PGLYRP4: variants seen among roughly 807,000 people sequenced by gnomAD.
PGLYRP4 encodes peptidoglycan recognition protein 4.
Under a neutral mutation model 41.2 loss-of-function variants are expected in PGLYRP4, and 39 were observed. The observed-to-expected ratio is 0.95, with a 90% CI of 0.73 to 1.24. PGLYRP4 has a LOEUF of 1.24. PGLYRP4 is among the 50% of genes most tolerant of loss of function. The pLI is 0.00. For missense variants in PGLYRP4, 467 were observed against 460.7 expected, an observed-to-expected ratio of 1.01 and a Z score of -0.13; for synonymous variants, 202 against 186.8, an observed-to-expected ratio of 1.08 and a Z score of -0.66.
At position 153,330,447 on chromosome 1, in the gene PGLYRP4, A is replaced by C; in HGVS notation, c.*320T>G. The C allele has an allele frequency of 3.6e-5, 7 of 194,502 alleles. No individual in the cohort carries two copies. The highest frequency in any genetic ancestry group is 5.4e-5 in the Non-Finnish European group (5 of 91,898). The allele number at this position is 194,502 out of a possible 1,614,324, so 12.0% of individuals were successfully genotyped here. A position where few individuals can be genotyped will look rare whatever the true frequency, so the allele number is the denominator to read the frequency against. ...GGGAAGGCTCACCAGGCAGAGGGGA[A>C]TGGAGAGAGAGAGAGAAATGAAACA... On this transcript the variant is annotated 3_prime_UTR_variant, in exon 9 of 9. Coordinates refer to ENST00000359650, the MANE Select transcript of PGLYRP4 (RefSeq NM_020393.4).
At chr1:153,340,805 G>A (rs1660769892) in intron 6 of PGLYRP4, among the ~76,000 whole-genome samples, 1 of 150,948 alleles carries the variant, frequency 6.6e-6, no homozygotes, top group South Asian at 2.2e-4. Context: ...TGAGTCATTT[G>A]TAATCCATGA....
chr1:153,334,177 A>G (rs990599211), intron 8 of PGLYRP4, among the ~76,000 whole-genome samples: 11 of 152,052 alleles, frequency 7.2e-5, no homozygotes, highest in African/African-American at 2.7e-4. Flanking sequence ...AAAGACTCCT[A>G]TATTTAATAA....
At chr1:153,333,591 G>A (rs1469403186) in intron 8 of PGLYRP4, among the ~76,000 whole-genome samples, 2 of 151,984 alleles carry the variant, frequency 1.3e-5, no homozygotes, top group Non-Finnish European at 2.9e-5. Flanking sequence ...TTATACCAAC[G>A]CCAGGTAAGG....
intron 8 of PGLYRP4, 121 bp from the exon 9 acceptor site, chr1:153,331,066 A>T (rs1200249615): frequency 1.4e-6 from 1 of 720,072 alleles, no homozygotes; most frequent in East Asian, 2.8e-5. Flanking sequence ...GCCTCCCTAG[A>T]GACAGGCAAA....
chr1:153,345,144 C>T (rs1204728975), intron 4 of PGLYRP4, 25 bp downstream of exon 4: 6 of 1,574,074 alleles, frequency 3.8e-6, no homozygotes, highest in East Asian at 2.3e-5. Context: ...GACCATGTGC[C>T]GTGGGACCCA....
intron 8 of PGLYRP4, among the ~76,000 whole-genome samples, chr1:153,334,468 T>TATATATATTTTTTTATATATA (rs1275488427): frequency 9.8e-5 from 14 of 142,530 alleles, no homozygotes; most frequent in South Asian, 6.4e-4. Context: ...ATATATTTAT[T>TATATATATTTTTTTATATATA]TATATATATT....
intron 8 of PGLYRP4, among the ~76,000 whole-genome samples, chr1:153,334,468 T>TATATATATATTTTTATATATA (rs1275488427): frequency 0.32 from 46,031 of 142,120 alleles, 7,837 homozygotes; most frequent in Non-Finnish European, 0.37. Flanking sequence ...ATATATTTAT[T>TATATATATATTTTTATATATA]TATATATATT....
Position 153,341,647 on chromosome 1 carries a change from TGCCGAGGG to T in PGLYRP4, c.597_604del (p.Pro200GlufsTer48). On this transcript the variant is annotated frameshift_variant, in exon 6 of 9. Coordinates refer to ENST00000359650, the MANE Select transcript of PGLYRP4 (RefSeq NM_020393.4). LOFTEE classifies it high-confidence loss of function. ...CTTACCCTTCTTCAGGCTTGTCTTC[TGCCGAGGG>T]GCCAGGCAGTTCTCGCCTTTCCCAA... 3 of 1,613,040 alleles carry T rather than the reference TGCCGAGGG, an allele frequency of 1.9e-6. No individual in the cohort carries two copies. Among genetic ancestry groups the T allele is most frequent in the Non-Finnish European group, 2.5e-6 (3 of 1,179,884 alleles).
intron 4 of PGLYRP4, among the ~76,000 whole-genome samples, chr1:153,344,000 TGGGG>T: frequency 6.6e-6 from 1 of 152,146 alleles, no homozygotes; most frequent in African/African-American, 2.4e-5. Flanking sequence ...AAAAGCAGAC[TGGGG>T]GGCGGTGGGG....
chr1:153,347,413 A>T (rs1661063111), intron 2 of PGLYRP4, among the ~76,000 whole-genome samples: 1 of 152,130 alleles, frequency 6.6e-6, no homozygotes, highest in Non-Finnish European at 1.5e-5. Flanking sequence ...TCTGTCACCC[A>T]GGTTGGAGTG....
intron 7 of PGLYRP4, 138 bp downstream of exon 7, chr1:153,340,243 T>G: frequency 1.4e-6 from 1 of 738,446 alleles, no homozygotes; most frequent in Non-Finnish European, 2.3e-6. Flanking sequence ...GGTCGTGTGA[T>G]GAATTCATTT....
intron 7 of PGLYRP4, 60 bp from the exon 8 acceptor site, chr1:153,337,359 T>C: frequency 9.9e-7 from 1 of 1,007,188 alleles, no homozygotes; most frequent in South Asian, 1.4e-5. Flanking sequence ...TTTCTCTCTT[T>C]CATGTATTAA....
In PGLYRP4 at chr1:153,341,692, A is replaced by G; in HGVS notation, c.560T>C (p.Val187Ala). 6.2e-7 allele frequency: 1 copy of G among 1,613,976 alleles called. No homozygotes were observed. Among genetic ancestry groups the G allele is most frequent in the East Asian group, 2.2e-5 (1 of 44,888 alleles). ...VQKGHLSSSY[V>A]QPLLGKGENC... ...CTCGCCTTTCCCAAGAAGTGGCTGA[A>G]CATAACTGGATGACAGGTGGCCCTT... The change falls in exon 6 of 9, where the codon GTT (valine) becomes GCT (alanine). Residue 187 changes from valine (V) to alanine (A), a missense_variant. By Grantham distance (64) the Val-to-Ala change is moderately conservative. Transcript: ENST00000359650.
chr1:153,336,780 T>G (rs536439722), intron 8 of PGLYRP4, among the ~76,000 whole-genome samples: 1 of 152,264 alleles, frequency 6.6e-6, no homozygotes, highest in South Asian at 2.1e-4. Flanking sequence ...CAATTCTCAG[T>G]GTGCACTCTC....
intron 5 of PGLYRP4, 37 bp from the exon 6 acceptor site, chr1:153,341,816 C>A: frequency 6.3e-7 from 1 of 1,590,172 alleles, no homozygotes; most frequent in Non-Finnish European, 8.6e-7. Flanking sequence ...CTCCACCCAG[C>A]CTGAGTTTCA....
intron 7 of PGLYRP4, among the ~76,000 whole-genome samples, chr1:153,338,360 TGTCACCACTCA>T (rs1483066736): frequency 1.3e-5 from 2 of 152,228 alleles, no homozygotes; most frequent in Non-Finnish European, 2.9e-5. Context: ...ATCACAGGGA[TGTCACCACTCA>T]GTCCTGCCTG....
In PGLYRP4 at chr1:153,344,788, T is replaced by G. The variant is rs117822331; in HGVS notation, c.353+381A>C. On this transcript the variant is annotated intron_variant, in intron 4 of 8. Coordinates refer to ENST00000359650, the MANE Select transcript of PGLYRP4 (RefSeq NM_020393.4). ...CCATAGATATGTGACCTCAAATTAA[T>G]CAGCCTCCCTCCCTTGGGCCCCTCT... 2.7e-3 allele frequency among the ~76,000 whole-genome samples: 418 copies of G among 152,280 alleles called. 15 individuals carry two copies. In the East Asian group the frequency reaches 0.065, roughly 24 times the overall value.
At chr1:153,336,527 A>T (rs562637499) in intron 8 of PGLYRP4, among the ~76,000 whole-genome samples, 1 of 152,186 alleles carries the variant, frequency 6.6e-6, no homozygotes, top group Non-Finnish European at 1.5e-5. Flanking sequence ...AAAGCTAAAC[A>T]ATGGGTACAT....
rs571597056 is a variant in PGLYRP4, at chr1:153,348,723, G to A, written c.-242C>T. The A allele has an allele frequency of 4.7e-5, 6 of 127,342 alleles. No individual in the cohort carries two copies. The highest frequency in any genetic ancestry group is 4.9e-4 in the East Asian group (2 of 4,084). 7.9% of individuals were successfully genotyped at this position (127,342 alleles called of 1,614,324 possible). A position where few individuals can be genotyped will look rare whatever the true frequency, so the allele number is the denominator to read the frequency against. ...CTCCCTCCCTGGGAATGGAGCACTC[G>A]GGCTCTAGCTTCCCAGAGAGAAGAG... On this transcript the variant is annotated 5_prime_UTR_variant, in exon 1 of 9. Coordinates refer to ENST00000359650, the MANE Select transcript of PGLYRP4 (RefSeq NM_020393.4).
Sources: allele counts gnomAD v4.1 joint callset (sites outside exome capture counted in the v4.1 genomes callset), GRCh38; gene constraint gnomAD v4.1.1; transcripts MANE v1.5; gene names NCBI Gene and HGNC (gene_info 2026-07-23, HGNC 2026-07-21).